The following SORCS3 variants were observed in gnomAD, a reference collection of about 807,000 sequenced individuals.
SORCS3 encodes sortilin related VPS10 domain containing receptor 3, also known as VPS10 domain-containing receptor SorCS3.
SORCS3 carries 57 observed loss-of-function variants against 146.3 expected under a neutral mutation model. The ratio of observed to expected loss-of-function variants is 0.39; its 90% CI spans 0.31 to 0.49. The LOEUF is 0.49. Among genes scored for constraint, SORCS3 ranks in the 20% least tolerant of loss-of-function variants. The pLI is 0.92. For missense variants in SORCS3, 1,341 were observed against 1,575.5 expected (o/e 0.85, Z 2.52); for synonymous variants, 653 against 618.5 (o/e 1.06, Z -0.83).
intron 1 of SORCS3, among the ~76,000 whole-genome samples, chr10:104,832,824 G>A (rs1272407353): frequency 1.3e-5 from 2 of 152,230 alleles, no homozygotes; most frequent in Admixed American, 6.5e-5. Context: ...TGCTAACAGA[G>A]CCCCAAGTTG....
chr10:104,807,721 G>A (rs1204383649), intron 1 of SORCS3, among the ~76,000 whole-genome samples: 2 of 152,196 alleles, frequency 1.3e-5, no homozygotes, highest in Admixed American at 6.5e-5. Context: ...CAGCTCAAAA[G>A]CTAAAATCAT....
At chr10:105,118,267 G>T (rs1335413915) in intron 7 of SORCS3, among the ~76,000 whole-genome samples, 1 of 152,078 alleles carries the variant, frequency 6.6e-6, no homozygotes, top group Non-Finnish European at 1.5e-5. Context: ...TTCCCCCTTT[G>T]CTCAGCACTT....
At chr10:104,919,673 G>C (rs890312405) in intron 3 of SORCS3, among the ~76,000 whole-genome samples, 4 of 151,836 alleles carry the variant, frequency 2.6e-5, no homozygotes, top group African/African-American at 9.7e-5. Flanking sequence ...TGGGCAACAA[G>C]AGTGAAACTC....
At chr10:105,106,198 G>A (rs1347215947) in intron 7 of SORCS3, among the ~76,000 whole-genome samples, 1 of 152,168 alleles carries the variant, frequency 6.6e-6, no homozygotes, top group Non-Finnish European at 1.5e-5. Context: ...GTATTTGATT[G>A]CAACCTTGAT....
At chr10:105,059,974 A>G (rs1365263417) in intron 5 of SORCS3, among the ~76,000 whole-genome samples, 1 of 152,200 alleles carries the variant, frequency 6.6e-6, no homozygotes, top group Non-Finnish European at 1.5e-5. Context: ...ATGTTGAGGT[A>G]GTTTATTATG....
intron 1 of SORCS3, among the ~76,000 whole-genome samples, chr10:104,669,908 A>G (rs1044153975): frequency 7.3e-5 from 11 of 151,622 alleles, no homozygotes; most frequent in African/African-American, 2.4e-4. Context: ...TTTTTTTTAT[A>G]GTAGTCATCT....
At chr10:105,033,514 T>C (rs1360078113) in intron 4 of SORCS3, among the ~76,000 whole-genome samples, 1 of 152,196 alleles carries the variant, frequency 6.6e-6, no homozygotes, top group Non-Finnish European at 1.5e-5. Context: ...GCAGTTTCTA[T>C]GGGGAGATTA....
At chr10:105,138,197 G>T (rs1457034269) in intron 7 of SORCS3, among the ~76,000 whole-genome samples, 1 of 152,194 alleles carries the variant, frequency 6.6e-6, no homozygotes, top group Non-Finnish European at 1.5e-5. Context: ...TTTGCACCAA[G>T]TTTTTCCAAG....
intron 3 of SORCS3, among the ~76,000 whole-genome samples, chr10:104,969,925 C>A (rs911170653): frequency 7.2e-5 from 11 of 151,944 alleles, no homozygotes; most frequent in Admixed American, 5.9e-4. Context: ...TCAATGGTAA[C>A]CCTTATTTAG....
At chr10:105,028,644 C>G (rs2055245522) in intron 4 of SORCS3, among the ~76,000 whole-genome samples, 1 of 152,186 alleles carries the variant, frequency 6.6e-6, no homozygotes, top group African/African-American at 2.4e-5. Context: ...CTCTCCAAAA[C>G]TTTATTTTTT....
chr10:105,138,386 G>T (rs1167370170), intron 7 of SORCS3, among the ~76,000 whole-genome samples: 1 of 152,196 alleles, frequency 6.6e-6, no homozygotes, highest in Non-Finnish European at 1.5e-5. Context: ...TCCCAGTAGG[G>T]CCTGTGGATG....
intron 1 of SORCS3, among the ~76,000 whole-genome samples, chr10:104,722,701 T>C (rs1388992218): frequency 6.6e-6 from 1 of 152,246 alleles, no homozygotes; most frequent in Non-Finnish European, 1.5e-5. Flanking sequence ...CCTGGTTTAG[T>C]CTTGGGAGGG....
intron 4 of SORCS3, among the ~76,000 whole-genome samples, chr10:105,003,192 T>G (rs2055072225): frequency 6.6e-6 from 1 of 152,238 alleles, no homozygotes; most frequent in African/African-American, 2.4e-5. Context: ...AATATCTGCC[T>G]GGCATGGAGT....
At chr10:104,972,838 A>T (rs1265703611) in intron 3 of SORCS3, among the ~76,000 whole-genome samples, 1 of 152,180 alleles carries the variant, frequency 6.6e-6, no homozygotes, top group South Asian at 2.1e-4. Context: ...GGTTTGTCAT[A>T]GATAGCTCTT....
intron 21 of SORCS3, among the ~76,000 whole-genome samples, chr10:105,245,877 T>C (rs1192946935): frequency 6.6e-6 from 1 of 152,218 alleles, no homozygotes; most frequent in African/African-American, 2.4e-5. Flanking sequence ...CCCTGTGTTA[T>C]GTCTGCCTCA....
chr10:104,843,479 T>A (rs2018167476), intron 2 of SORCS3, among the ~76,000 whole-genome samples: 1 of 152,252 alleles, frequency 6.6e-6, no homozygotes, highest in Admixed American at 6.5e-5. Context: ...CAGCCCAGTT[T>A]ATTCTTTTGA....
At chr10:105,200,164 A>T in intron 15 of SORCS3, 48 bp downstream of exon 15, 1 of 1,451,768 alleles carries the variant, frequency 6.9e-7, no homozygotes, top group East Asian at 2.3e-5. Flanking sequence ...AGGAGGAGCT[A>T]GTGCAAGTCC....
intron 3 of SORCS3, among the ~76,000 whole-genome samples, chr10:104,922,098 G>A (rs761959716): frequency 1.3e-5 from 2 of 152,170 alleles, no homozygotes; most frequent in Non-Finnish European, 2.9e-5. Context: ...TGCCAATGTC[G>A]CTCTCTGGAT....
chr10:105,090,995 G>T (rs957686532), intron 6 of SORCS3, among the ~76,000 whole-genome samples: 1 of 152,088 alleles, frequency 6.6e-6, no homozygotes, highest in African/African-American at 2.4e-5. Flanking sequence ...TGTTTTATAT[G>T]ATTTATTTTT....
Sources: allele counts gnomAD v4.1 joint callset (sites outside exome capture counted in the v4.1 genomes callset), GRCh38; gene constraint gnomAD v4.1.1; transcripts MANE v1.5; gene names NCBI Gene and HGNC (gene_info 2026-07-23, HGNC 2026-07-21).